Variants in AK7 observed in about 807,000 individuals in gnomAD.
The protein encoded by AK7 is adenylate kinase 7.
A neutral mutation model predicts 96.6 loss-of-function variants in AK7; 78 were observed. The ratio of observed to expected loss-of-function variants is 0.81; its 90% CI spans 0.67 to 0.97. AK7 has a LOEUF of 0.97. AK7 is among the 50% of genes least tolerant of loss of function. AK7 has a pLI of 0.00. For missense variants in AK7, 855 were observed against 887.9 expected (o/e 0.96, Z 0.47); for synonymous variants, 302 against 317.2 (o/e 0.95, Z 0.51).
At chr14:96,476,563 G>A (rs1026398867) in intron 14 of AK7, among the ~76,000 whole-genome samples, 5 of 149,712 alleles carry the variant, frequency 3.3e-5, no homozygotes, top group African/African-American at 1.2e-4. Flanking sequence ...GCCAAATACA[G>A]TGACCTCCTT....
At chr14:96,406,213 G>A (rs186654504) in intron 3 of AK7, among the ~76,000 whole-genome samples, 10 of 152,124 alleles carry the variant, frequency 6.6e-5, no homozygotes, top group Admixed American at 3.9e-4. Flanking sequence ...CACTGTGCCC[G>A]GCCAAGCAAC....
In AK7 at chr14:96,392,164, G is replaced by A. The variant is rs1321605188; in HGVS notation, c.10G>A (p.Glu4Lys). ...CAGCGCGGCTCCCACCATGGCTGAA[G>A]AAGAGGAAACTGCTGCTCTCACGGA... MAE[E>K]EETAALTEKV... The change falls in exon 1 of 18, where the codon GAA (glutamate) becomes AAA (lysine). Residue 4 changes from glutamate to lysine, a missense_variant. Transcript: ENST00000267584. 8 of 1,613,182 alleles carry A rather than the reference G, an allele frequency of 5.0e-6. No homozygotes were observed. The South Asian group carries it at 7.7e-5, about 16-fold the overall frequency.
At chr14:96,482,857 C>T in intron 15 of AK7, 142 bp from the exon 16 acceptor site, 1 of 892,278 alleles carries the variant, frequency 1.1e-6, no homozygotes, top group Admixed American at 2.8e-5. Context: ...AAATTCTGAA[C>T]TATGCTGGCA....
chr14:96,421,032 C>G, intron 5 of AK7, 100 bp downstream of exon 5: 1 of 805,850 alleles, frequency 1.2e-6, no homozygotes, highest in Non-Finnish European at 2.0e-6. Flanking sequence ...GAGCTTTAGG[C>G]TCACCCCAGG....
At chr14:96,397,959 T>A in intron 1 of AK7, 116 bp from the exon 2 acceptor site, 1 of 1,014,164 alleles carries the variant, frequency 9.9e-7, no homozygotes, top group Admixed American at 2.2e-5. Flanking sequence ...AGCATTTGCT[T>A]TGCCTTGGTG....
chr14:96,398,167 T>G lies in AK7; in HGVS notation c.198T>G (p.Ala66=), dbSNP rs115324937. The G allele has an allele frequency of 7.4e-5, 120 of 1,614,192 alleles. 1 individual carries two copies. The Middle Eastern group carries it at 1.8e-3, about 24-fold the overall frequency. Residue 66 remains alanine (A), a synonymous_variant, in exon 2 of 18, where the codon GCT becomes GCG. Transcript: ENST00000267584. ...AAAATAAGTCAGCTATGCTGGAAGC[T>G]TCCTCAACCAAAGTGAAGGAAGGCA... The part of the protein sequence containing the change: ...EDENKSAMLE[A]SSTKVKEGTF...
In AK7 at chr14:96,409,011, G is replaced by C. The variant is rs1444666283; in HGVS notation, c.498+70G>C. ...ACACCTTGTAATCTGTGTGTGGAGGGAACTTCCTATGGCGAGTTGTGTATT... is the reference window on the plus strand; with the variant it reads ...ACACCTTGTAATCTGTGTGTGGAGGCAACTTCCTATGGCGAGTTGTGTATT... On this transcript the variant is annotated intron_variant, in intron 4 of 17. Coordinates refer to ENST00000267584, the MANE Select transcript of AK7 (RefSeq NM_152327.5). 3.3e-6 allele frequency: 5 copies of C among 1,505,234 alleles called. No homozygotes were observed. In the East Asian group the frequency reaches 1.1e-4, roughly 34 times the overall value. 93.2% of individuals were successfully genotyped at this position (1,505,234 alleles called of 1,614,324 possible).
intron 6 of AK7, among the ~76,000 whole-genome samples, chr14:96,441,722 A>T (rs1412362875): frequency 6.6e-6 from 1 of 151,648 alleles, no homozygotes; most frequent in Non-Finnish European, 1.5e-5. Flanking sequence ...TCCTAGCTTG[A>T]CTTTTCCCTT....
At chr14:96,481,101 C>T (rs1895479993) in intron 15 of AK7, among the ~76,000 whole-genome samples, 1 of 152,152 alleles carries the variant, frequency 6.6e-6, no homozygotes, top group African/African-American at 2.4e-5. Flanking sequence ...CCCTGGGAGC[C>T]AAGGCCAGAG....
In AK7 at chr14:96,483,218, G is replaced by A. The variant is rs1895602100; in HGVS notation, c.1973G>A (p.Trp658Ter). 2.5e-6 allele frequency: 4 copies of A among 1,592,626 alleles called. No homozygotes were observed. In the African/African-American group the frequency reaches 4.0e-5, roughly 16 times the overall value. ...MAEKIARWEE[W>*]NKRLEEVKRE... ...GAGAAGATAGCTCGCTGGGAGGAGTGGGTGAGTGGTGAGTGTGTTTGTGAG... is the reference window on the plus strand; with the variant it reads ...GAGAAGATAGCTCGCTGGGAGGAGTAGGTGAGTGGTGAGTGTGTTTGTGAG... Residue 658 changes from tryptophan to a stop codon, truncating the protein, a stop_gained and splice_region_variant, in exon 16 of 18, where the codon TGG (tryptophan) becomes TAG (stop). Coordinates refer to ENST00000267584, the MANE Select transcript of AK7 (RefSeq NM_152327.5). LOFTEE classifies it high-confidence loss of function.
At chr14:96,419,620 C>G (rs1595390088) in intron 4 of AK7, among the ~76,000 whole-genome samples, 1 of 151,922 alleles carries the variant, frequency 6.6e-6, no homozygotes, top group Admixed American at 6.6e-5. Flanking sequence ...GGCAAGAGAG[C>G]AAGGCCCTGT....
intron 5 of AK7, among the ~76,000 whole-genome samples, chr14:96,430,575 T>C (rs1382140607): frequency 1.3e-5 from 2 of 152,158 alleles, no homozygotes; most frequent in Non-Finnish European, 2.9e-5. Context: ...ATGTGATGGA[T>C]TACGTTTATT....
chr14:96,476,447 G>A (rs1334991420), intron 14 of AK7, among the ~76,000 whole-genome samples: 5 of 150,798 alleles, frequency 3.3e-5, no homozygotes, highest in African/African-American at 1.2e-4. Context: ...AGAGGTTGCA[G>A]TGAGCCAAGA....
intron 1 of AK7, among the ~76,000 whole-genome samples, chr14:96,394,457 T>C (rs1412900141): frequency 6.6e-6 from 1 of 152,196 alleles, no homozygotes; most frequent in Non-Finnish European, 1.5e-5. Context: ...TTTTTTTTAA[T>C]GGAGGAAGGG....
At chr14:96,477,806 A>G (rs1246989087) in intron 14 of AK7, among the ~76,000 whole-genome samples, 1 of 152,170 alleles carries the variant, frequency 6.6e-6, no homozygotes, top group Non-Finnish European at 1.5e-5. Flanking sequence ...TTCCCATTTT[A>G]TTAATTTGGC....
In AK7 at chr14:96,420,946, A is replaced by C; in HGVS notation, c.609+14A>C. On this transcript the variant is annotated intron_variant, in intron 5 of 17. Coordinates refer to ENST00000267584, the MANE Select transcript of AK7 (RefSeq NM_152327.5). Reference sequence around the variant, plus strand: ...TTTGGAAAAAAGGTAAGTCTGGCATAGTGGAACATGGACATCATCTGAAGT... The same window carrying C: ...TTTGGAAAAAAGGTAAGTCTGGCATCGTGGAACATGGACATCATCTGAAGT... 6.6e-7 allele frequency: 1 copy of C among 1,516,878 alleles called. No homozygotes were observed. The highest frequency in any genetic ancestry group is 9.1e-7 in the Non-Finnish European group (1 of 1,093,316). The allele number at this position is 1,516,878 out of a possible 1,614,324, so 94.0% of individuals were successfully genotyped here.
intron 5 of AK7, among the ~76,000 whole-genome samples, chr14:96,435,421 C>G (rs965247289): frequency 6.6e-6 from 1 of 152,024 alleles, no homozygotes; most frequent in Non-Finnish European, 1.5e-5. Flanking sequence ...AAGACAAAGT[C>G]CCCCCTACTC....
chr14:96,441,553 C>A (rs112212519), intron 6 of AK7, among the ~76,000 whole-genome samples: 1 of 145,522 alleles, frequency 6.9e-6, no homozygotes, highest in Non-Finnish European at 1.5e-5. Flanking sequence ...GCAGGAGAAT[C>A]ACTTAAACCT....
intron 10 of AK7, among the ~76,000 whole-genome samples, chr14:96,451,874 T>A (rs1015967348): frequency 6.6e-6 from 1 of 152,172 alleles, no homozygotes; most frequent in Non-Finnish European, 1.5e-5. Flanking sequence ...TAGATAATAA[T>A]GTACGCAAAT....
Sources: allele counts gnomAD v4.1 joint callset (sites outside exome capture counted in the v4.1 genomes callset), GRCh38; gene constraint gnomAD v4.1.1; transcripts MANE v1.5; gene names NCBI Gene and HGNC (gene_info 2026-07-23, HGNC 2026-07-21).